TIAM1: variants seen among roughly 807,000 people sequenced by gnomAD.
TIAM1 encodes the protein rho guanine nucleotide exchange factor TIAM1.
In TIAM1, 65 loss-of-function variants were observed where a neutral mutation model predicts 163.5. The observed-to-expected ratio is 0.40, with a 90% CI of 0.33 to 0.49. TIAM1 has a LOEUF of 0.49. TIAM1 is among the 20% of genes least tolerant of loss of function. The pLI, the probability that TIAM1 is intolerant of heterozygous loss-of-function variation, is 0.77. For missense variants in TIAM1, 1,789 were observed against 2,044.7 expected, an observed-to-expected ratio of 0.87 and a Z score of 2.41; for synonymous variants, 833 against 810.1, an observed-to-expected ratio of 1.03 and a Z score of -0.48.
At chr21:31,213,273 A>G (rs1461256830) in intron 10 of TIAM1, 125 bp downstream of exon 10, 2 of 789,364 alleles carry the variant, frequency 2.5e-6, no homozygotes, top group African/African-American at 1.8e-5. Context: ...CATAACTTTT[A>G]AAAACTGATT....
Position 31,120,439 on chromosome 21 carries a change from C to A in TIAM1, c.4705G>T (p.Ala1569Ser), listed in dbSNP as rs146645440. Residue 1569 changes from alanine (A) to serine (S), a missense_variant, in exon 28 of 28, where the codon GCA (alanine) becomes TCA (serine). Transcript: ENST00000541036. This position sits in a 1 kb window ranked among gnomAD's most constrained non-coding sequence, Gnocchi z 4.2. ...LSGINGGLES[A>S]SEEVIWVRRE... ...CTAACCCAAATGACTTCCTCGCTTG[C>A]GCTCTCCAGGCCTCCATTGATCCCC... The A allele has an allele frequency of 3.7e-6, 6 of 1,614,200 alleles. No homozygotes were observed. Among genetic ancestry groups the A allele is most frequent in the Non-Finnish European group, 5.1e-6 (6 of 1,180,040 alleles).
At chr21:31,239,705 G>GA (rs1007607199) in intron 6 of TIAM1, among the ~76,000 whole-genome samples, 3 of 151,478 alleles carry the variant, frequency 2.0e-5, no homozygotes, top group African/African-American at 2.4e-5. Context: ...AACTCTGATG[G>GA]AAAAAAAATG....
At chr21:31,428,743 CATAATGGCACATGCCTGT>C (rs2043888107) in intron 2 of TIAM1, among the ~76,000 whole-genome samples, 1 of 151,830 alleles carries the variant, frequency 6.6e-6, no homozygotes, top group Non-Finnish European at 1.5e-5. Context: ...ATTAGCCAGG[CATAATGGCACATGCCTGT>C]AGTCTCAGCT....
intron 12 of TIAM1, among the ~76,000 whole-genome samples, chr21:31,200,910 G>T (rs1399795958): frequency 6.6e-6 from 1 of 152,110 alleles, no homozygotes; most frequent in Non-Finnish European, 1.5e-5. Context: ...AACAGGCCAA[G>T]AAATAATACC....
chr21:31,242,854 CTG>C (rs1313278440), intron 6 of TIAM1, among the ~76,000 whole-genome samples: 4 of 98,096 alleles, frequency 4.1e-5, no homozygotes, highest in African/African-American at 1.4e-4. Flanking sequence ...GAACAAGACT[CTG>C]TCTCAAAAAA....
At chr21:31,298,735 G>GGTGTGTGTGTGTGTGT (rs147701527) in intron 2 of TIAM1, among the ~76,000 whole-genome samples, 2,780 of 138,482 alleles carry the variant, frequency 0.02, 35 homozygotes, top group Non-Finnish European at 0.023. Flanking sequence ...TCCAATTGAG[G>GGTGTGTGTGTGTGTGT]GTGTGTGTGT....
intron 2 of TIAM1, among the ~76,000 whole-genome samples, chr21:31,366,396 A>G (rs1357677280): frequency 6.6e-6 from 1 of 152,202 alleles, no homozygotes; most frequent in South Asian, 2.1e-4. Flanking sequence ...TTAGCAGAGA[A>G]TGAAAAACAT....
intron 12 of TIAM1, among the ~76,000 whole-genome samples, chr21:31,200,438 T>C (rs889113079): frequency 3.9e-5 from 6 of 152,260 alleles, no homozygotes; most frequent in African/African-American, 1.4e-4. Context: ...ATAGTAATAG[T>C]AGCAGTGCCT....
intron 2 of TIAM1, among the ~76,000 whole-genome samples, chr21:31,323,056 G>A (rs1440125378): frequency 6.6e-6 from 1 of 151,202 alleles, no homozygotes; most frequent in African/African-American, 2.4e-5. Context: ...TTGGGAGGCT[G>A]AGGCATGTGG....
chr21:31,403,737 G>C (rs1303699839), intron 2 of TIAM1, among the ~76,000 whole-genome samples: 1 of 152,170 alleles, frequency 6.6e-6, no homozygotes, highest in African/African-American at 2.4e-5. Context: ...CTGGGGGCTG[G>C]AGAATAGAGA....
chr21:31,174,641 C>T (rs1403780709), intron 15 of TIAM1, among the ~76,000 whole-genome samples: 3 of 152,154 alleles, frequency 2.0e-5, no homozygotes, highest in African/African-American at 4.8e-5. Context: ...AAAATTGTTA[C>T]CTTTTTTCTC....
intron 15 of TIAM1, among the ~76,000 whole-genome samples, chr21:31,175,953 T>A (rs2084744562): frequency 6.6e-6 from 1 of 152,224 alleles, no homozygotes; most frequent in Non-Finnish European, 1.5e-5. Flanking sequence ...TGCTTTCCTA[T>A]ATTGATGTTC....
intron 8 of TIAM1, among the ~76,000 whole-genome samples, chr21:31,220,492 G>C (rs190575434): frequency 1.3e-5 from 2 of 152,144 alleles, no homozygotes; most frequent in African/African-American, 4.8e-5. Context: ...AGAACTTAAA[G>C]TATAATGTAA....
At chr21:31,267,404 A>G (rs2072837780) in intron 3 of TIAM1, among the ~76,000 whole-genome samples, 1 of 152,194 alleles carries the variant, frequency 6.6e-6, no homozygotes, top group African/African-American at 2.4e-5. Context: ...CAAAATGTTC[A>G]CCAAGGGAGT....
intron 2 of TIAM1, among the ~76,000 whole-genome samples, chr21:31,385,170 T>C (rs754113140): frequency 4.6e-5 from 7 of 152,214 alleles, no homozygotes; most frequent in Non-Finnish European, 1.0e-4. Context: ...CAAGCGATTC[T>C]TCTGCCTCAG....
At chr21:31,123,390 A>C (rs2082071520) in intron 27 of TIAM1, among the ~76,000 whole-genome samples, 1 of 152,238 alleles carries the variant, frequency 6.6e-6, no homozygotes, top group African/African-American at 2.4e-5. Context: ...ACCCCATGCG[A>C]AACTGCGCAT....
chr21:31,500,274 C>T (rs1460930430), intron 1 of TIAM1, among the ~76,000 whole-genome samples: 1 of 152,174 alleles, frequency 6.6e-6, no homozygotes, highest in Non-Finnish European at 1.5e-5. Flanking sequence ...GGGCCCAGCT[C>T]TTCACTGACA....
intron 5 of TIAM1, among the ~76,000 whole-genome samples, chr21:31,248,340 T>C (rs1396247989): frequency 6.6e-6 from 1 of 152,196 alleles, no homozygotes; most frequent in Non-Finnish European, 1.5e-5. Context: ...TCAACTTTGA[T>C]TTAGAATCAT....
At position 31,545,182 on chromosome 21, in the gene TIAM1, AACAGACAC is replaced by A. The variant is rs570366808; in HGVS notation, c.-422+13737_-422+13744del. Reference sequence around the variant, plus strand: ...TATAAGAGAAAGGGGGAGATGTGGAAACAGACACACAGACACACATGGAGAATGCAGCC... The same window carrying A: ...TATAAGAGAAAGGGGGAGATGTGGAAACAGACACACATGGAGAATGCAGCC... On this transcript the variant is annotated intron_variant, in intron 1 of 28. Coordinates refer to the TIAM1 transcript ENST00000286827. Among the ~76,000 whole-genome samples, 364 of 152,324 alleles carry A rather than the reference AACAGACAC, an allele frequency of 2.4e-3. 3 individuals are homozygous for A. Among genetic ancestry groups the A allele is most frequent in the African/African-American group, 8.5e-3 (355 of 41,574 alleles).
Sources: gnomAD v4.1 joint callset for allele counts (sites outside exome capture counted in the v4.1 genomes callset) on GRCh38, gnomAD v4.1.1 for gene constraint, Gnocchi (gnomAD v3.1) non-coding constraint, MANE v1.5 for transcripts, NCBI Gene and HGNC (gene_info 2026-07-23, HGNC 2026-07-21) for gene names.